The following ALK variants were observed in gnomAD, a reference collection of about 807,000 sequenced individuals.
ALK encodes ALK receptor tyrosine kinase.
In ALK, 74 loss-of-function variants were observed where a neutral mutation model predicts 163.1. The ratio of observed to expected loss-of-function variants is 0.45; its 90% CI spans 0.38 to 0.55. The LOEUF is 0.55. Among genes scored for constraint, ALK ranks in the 20% least tolerant of loss-of-function variants. ALK has a pLI of 0.00. For synonymous variants in ALK, 960 were observed against 843.2 expected (o/e 1.14, Z -2.40); for missense variants, 2,063 against 2,105.3 (o/e 0.98, Z 0.39).
intron 1 of ALK, among the ~76,000 whole-genome samples, chr2:29,745,699 T>C (rs1243684616): frequency 2.6e-5 from 4 of 152,214 alleles, no homozygotes; most frequent in Non-Finnish European, 5.9e-5. Context: ...TAGCAGCATG[T>C]CCCATCACTG....
chr2:29,868,747 A>G (rs892243921), intron 1 of ALK, among the ~76,000 whole-genome samples: 2 of 152,228 alleles, frequency 1.3e-5, no homozygotes, highest in Non-Finnish European at 2.9e-5. Context: ...TTTTCCTTGT[A>G]ATGGGACTTT....
At chr2:29,374,308 C>G (rs946188948) in intron 5 of ALK, among the ~76,000 whole-genome samples, 1 of 152,036 alleles carries the variant, frequency 6.6e-6, no homozygotes, top group Non-Finnish European at 1.5e-5. Flanking sequence ...ATTTAGGAAA[C>G]TTTTCCAAGC....
At chr2:29,352,558 C>T (rs1221633989) in intron 5 of ALK, among the ~76,000 whole-genome samples, 1 of 152,250 alleles carries the variant, frequency 6.6e-6, no homozygotes. Flanking sequence ...GTCTTTTAGA[C>T]AGGCAACATC....
Position 29,920,611 on chromosome 2 carries a change from C to T in ALK, c.49G>A (p.Ala17Thr), listed in dbSNP as rs369196372. The change falls in exon 1 of 29, where the codon GCA becomes ACA. Residue 17 changes from alanine to threonine, a missense_variant. Transcript: ENST00000389048. ...LWLLPLLLST[A>T]AVGSGMGTGQ... ...GTCCCCATCCCGGAGCCCACAGCTG[C>T]CGTGGAAAGCAGCAGCGGCAGGAGC... 7.8e-5 allele frequency: 121 copies of T among 1,552,662 alleles called. No individual in the cohort carries two copies. The highest frequency in any genetic ancestry group is 1.0e-4 in the Non-Finnish European group (117 of 1,156,036).
At chr2:29,466,649 G>A (rs533039869) in intron 4 of ALK, among the ~76,000 whole-genome samples, 1 of 152,304 alleles carries the variant, frequency 6.6e-6, no homozygotes, top group South Asian at 2.1e-4. Flanking sequence ...ACTGTTTCTT[G>A]TAAGTAACAG....
chr2:29,899,326 G>C (rs76666805), intron 1 of ALK, among the ~76,000 whole-genome samples: 1 of 152,332 alleles, frequency 6.6e-6, no homozygotes, highest in African/African-American at 2.4e-5. Flanking sequence ...GTTCTCCAAA[G>C]ACCCTTGCCC....
At chr2:29,889,746 A>AGG (rs1667096382) in intron 1 of ALK, among the ~76,000 whole-genome samples, 1 of 117,398 alleles carries the variant, frequency 8.5e-6, no homozygotes, top group African/African-American at 3.3e-5. Context: ...AGAGAGAGAG[A>AGG]GAGAGAGAGA....
At chr2:29,404,088 G>A (rs1336605875) in intron 4 of ALK, among the ~76,000 whole-genome samples, 1 of 152,142 alleles carries the variant, frequency 6.6e-6, no homozygotes, top group Admixed American at 6.6e-5. Flanking sequence ...TGGATCGTCT[G>A]AGGTTAAGAG....
At chr2:29,674,292 TGTG>T (rs1379154728) in intron 3 of ALK, among the ~76,000 whole-genome samples, 1 of 151,878 alleles carries the variant, frequency 6.6e-6, no homozygotes. Context: ...GCCCATTCAG[TGTG>T]ATATTGGCTG....
At chr2:29,571,771 C>T (rs568979208) in intron 3 of ALK, among the ~76,000 whole-genome samples, 5 of 151,988 alleles carry the variant, frequency 3.3e-5, no homozygotes, top group South Asian at 4.2e-4. Flanking sequence ...TGTGCACCAC[C>T]GTGCCTAGCT....
intron 5 of ALK, among the ~76,000 whole-genome samples, chr2:29,340,877 G>A (rs1320219181): frequency 3.3e-5 from 5 of 151,876 alleles, no homozygotes; most frequent in African/African-American, 9.7e-5. Context: ...CAGATACATC[G>A]TCTCTCCTTT....
intron 3 of ALK, among the ~76,000 whole-genome samples, chr2:29,544,593 ATATCCT>A (rs1404115525): frequency 2.0e-5 from 3 of 152,120 alleles, no homozygotes; most frequent in Admixed American, 6.5e-5. Flanking sequence ...GAGAAACAAC[ATATCCT>A]TATCCATATC....
chr2:29,473,584 C>T (rs1170809250), intron 4 of ALK, among the ~76,000 whole-genome samples: 3 of 152,072 alleles, frequency 2.0e-5, no homozygotes, highest in Non-Finnish European at 4.4e-5. Context: ...AAAAGACTTG[C>T]ACAGGACCTT....
intron 5 of ALK, among the ~76,000 whole-genome samples, chr2:29,377,267 G>T (rs1363136752): frequency 6.6e-6 from 1 of 152,052 alleles, no homozygotes; most frequent in Non-Finnish European, 1.5e-5. Flanking sequence ...ACGAGGTCAG[G>T]AGTTCGAGAC....
At chr2:29,378,042 G>C (rs1558701452) in intron 5 of ALK, among the ~76,000 whole-genome samples, 1 of 152,232 alleles carries the variant, frequency 6.6e-6, no homozygotes, top group Non-Finnish European at 1.5e-5. Flanking sequence ...TGAAAGAGAA[G>C]AGGAGATATA....
intron 3 of ALK, among the ~76,000 whole-genome samples, chr2:29,602,613 C>T (rs370319771): frequency 3.3e-5 from 5 of 152,264 alleles, no homozygotes; most frequent in African/African-American, 1.2e-4. Flanking sequence ...CACAGAGGGT[C>T]CTGTTTGCTT....
chr2:29,428,942 G>A, intron 4 of ALK, among the ~76,000 whole-genome samples: 1 of 151,980 alleles, frequency 6.6e-6, no homozygotes, highest in South Asian at 2.1e-4. Context: ...TTACAAGATT[G>A]ACTTAATATG....
chr2:29,853,023 C>T (rs1666044345), intron 1 of ALK, among the ~76,000 whole-genome samples: 1 of 152,166 alleles, frequency 6.6e-6, no homozygotes, highest in South Asian at 2.1e-4. Context: ...TTAGGGTACA[C>T]AGTCTATGGT....
rs2148139139 is a variant in ALK at position 29,193,908 on chromosome 2, G to C, written c.4179C>G (p.Ile1393Met). 1 of 1,614,158 alleles carries C rather than the reference G, an allele frequency of 6.2e-7. No individual in the cohort carries two copies. Residue 1393 changes from isoleucine to methionine, a missense_variant, in exon 29 of 29, where the codon ATC becomes ATG. By Grantham distance (10) the Ile-to-Met change is conservative (BLOSUM62 1). Around this residue, in one of 5 missense-constraint regions of ALK, gnomAD observed 403 missense variants for 366.2 expected, o/e 1.10. Coordinates refer to ENST00000389048, the MANE Select transcript of ALK (RefSeq NM_004304.5). The stretch of plus-strand genomic sequence containing the variant: ...CATATTCTATCGGCAAAGCGGTGTT[G>C]ATTACATCCGGGTCCTGCCGTAGGG... ...IEYCTQDPDV[I>M]NTALPIEYGP... is the part of the protein sequence containing the mutation.
Sources: gnomAD v4.1 joint callset for allele counts (sites outside exome capture counted in the v4.1 genomes callset) on GRCh38, gnomAD v4.1.1 for gene constraint, gnomAD v4.1.1 regional missense constraint, MANE v1.5 for transcripts, NCBI Gene and HGNC (gene_info 2026-07-23, HGNC 2026-07-21) for gene names.